ZBTB40: variants seen among roughly 807,000 people sequenced by gnomAD.
ZBTB40 encodes the protein zinc finger and BTB domain containing 40.
A neutral mutation model predicts 117.5 loss-of-function variants in ZBTB40; 60 were observed. The ratio of observed to expected loss-of-function variants is 0.51; its 90% CI spans 0.41 to 0.63. The LOEUF is 0.63. Ranked by LOEUF, ZBTB40 falls within the 30% of genes least tolerant of loss-of-function variation. The probability of loss-of-function intolerance (pLI) is 0.00; values close to 1 mark genes in which losing one functional copy is unlikely to be tolerated. For missense variants in ZBTB40, 1,287 were observed against 1,498.5 expected, an observed-to-expected ratio of 0.86 and a Z score of 2.33; for synonymous variants, 525 against 577.1, an observed-to-expected ratio of 0.91 and a Z score of 1.29.
intron 3 of ZBTB40, among the ~76,000 whole-genome samples, chr1:22,500,418 G>A (rs968193913): frequency 1.3e-5 from 2 of 152,104 alleles, no homozygotes; most frequent in Non-Finnish European, 2.9e-5. Context: ...GCATAAAGGT[G>A]ATAGTTAAAG....
In ZBTB40 at chr1:22,491,487, T is replaced by TA. The variant is rs775262758; in HGVS notation, c.792dup (p.Leu265ThrfsTer8). On this transcript the variant is annotated frameshift_variant, in exon 3 of 18. Coordinates refer to ENST00000375647, the MANE Select transcript of ZBTB40 (RefSeq NM_014870.4). LOFTEE classifies it high-confidence loss of function. ...GCACTCATGGTTACCCAGGATGTTT[T>TA]AAAAAAACTAGAAATGTGTTCAGAA... 2.5e-6 allele frequency: 4 copies of TA among 1,613,936 alleles called. No homozygotes were observed. The highest frequency in any genetic ancestry group is 3.4e-6 in the Non-Finnish European group (4 of 1,179,958).
intron 1 of ZBTB40, among the ~76,000 whole-genome samples, chr1:22,477,648 C>CAAAAAAAAAAAAAAAAAAAAGAAAA (rs773354092): frequency 1.5e-5 from 1 of 66,762 alleles, no homozygotes. Context: ...GACTCTGTCT[C>CAAAAAAAAAAAAAAAAAAAAGAAAA]AAAAAAAAAA....
At chr1:22,438,208 A>G (rs1640694873) in intron 1 of ZBTB40, among the ~76,000 whole-genome samples, 1 of 152,154 alleles carries the variant, frequency 6.6e-6, no homozygotes, top group Admixed American at 6.6e-5. Context: ...GCCACTGGTA[A>G]CCACCATTCC....
intron 1 of ZBTB40, among the ~76,000 whole-genome samples, chr1:22,457,815 T>A (rs190162809): frequency 7.7e-4 from 118 of 152,338 alleles, no homozygotes; most frequent in African/African-American, 2.7e-3. Flanking sequence ...ACCTGCTAAT[T>A]TCGTCCTATT....
At chr1:22,453,634 C>G (rs539135821) in intron 1 of ZBTB40, among the ~76,000 whole-genome samples, 33 of 152,310 alleles carry the variant, frequency 2.2e-4, no homozygotes, top group African/African-American at 7.5e-4. Flanking sequence ...AATCCTCACA[C>G]CAATACTATG....
At chr1:22,442,688 C>T (rs1640746982) in intron 1 of ZBTB40, among the ~76,000 whole-genome samples, 1 of 152,186 alleles carries the variant, frequency 6.6e-6, no homozygotes, top group East Asian at 1.9e-4. Flanking sequence ...TCCAGGAATG[C>T]AGCTGCAGAG....
rs1288288061 is a variant in ZBTB40 at position 22,490,250 on chromosome 1, A to C, written c.302A>C (p.Gln101Pro). Reference sequence around the variant, plus strand: ...ATCATCTCCTTAGCAGACAGTCTACAGATGTTTGATGTAGCTGTTAGCTGC... The same window carrying C: ...ATCATCTCCTTAGCAGACAGTCTACCGATGTTTGATGTAGCTGTTAGCTGC... ...SKIISLADSL[Q>P]MFDVAVSCKN... Residue 101 changes from glutamine (Q) to proline (P), a missense_variant, in exon 2 of 18, where the codon CAG (glutamine) becomes CCG (proline). Gln to Pro is a moderately conservative substitution (Grantham distance 76). Around this residue, in one of 2 missense-constraint regions of ZBTB40, gnomAD observed 870 missense variants for 934.4 expected, o/e 0.93. Transcript: ENST00000375647. The C allele has an allele frequency of 6.2e-7, 1 of 1,614,126 alleles. No homozygotes were observed. Among genetic ancestry groups the C allele is most frequent in the Non-Finnish European group, 8.5e-7 (1 of 1,180,052 alleles).
At chr1:22,439,422 A>G (rs576725182) in intron 1 of ZBTB40, among the ~76,000 whole-genome samples, 20 of 152,182 alleles carry the variant, frequency 1.3e-4, no homozygotes, top group Non-Finnish European at 2.6e-4. Context: ...TACCAAATCA[A>G]TGTTGCAAAG....
At chr1:22,472,621 C>T (rs974847881) in intron 1 of ZBTB40, among the ~76,000 whole-genome samples, 1 of 152,130 alleles carries the variant, frequency 6.6e-6, no homozygotes, top group Admixed American at 6.5e-5. Flanking sequence ...CTGTGAGAGA[C>T]GACAGATGGC....
chr1:22,508,397 C>A, intron 7 of ZBTB40, 133 bp from the exon 8 acceptor site: 1 of 1,122,630 alleles, frequency 8.9e-7, no homozygotes, highest in Non-Finnish European at 1.3e-6. Flanking sequence ...ATCTCTCAGA[C>A]TGAGAGGTGA....
At chr1:22,503,231 G>C (rs907021894) in intron 5 of ZBTB40, among the ~76,000 whole-genome samples, 1 of 151,028 alleles carries the variant, frequency 6.6e-6, no homozygotes, top group Non-Finnish European at 1.5e-5. Context: ...TTGGAATCAA[G>C]AGTATAAAAA....
intron 1 of ZBTB40, among the ~76,000 whole-genome samples, chr1:22,464,509 A>G (rs1641207419): frequency 1.3e-5 from 2 of 152,232 alleles, no homozygotes; most frequent in South Asian, 4.1e-4. Context: ...AGCTAAATAA[A>G]TGTTTAATGA....
chr1:22,530,079 A>G lies in ZBTB40; in HGVS notation c.*3683A>G, dbSNP rs1639789760. On this transcript the variant is annotated 3_prime_UTR_variant, in exon 18 of 18. Transcript: ENST00000375647. ...CGTGCCTGGAAGCTGCACATTGACCAAAGGAGGGAGGGAAGTGCTAACCAT... is the reference window on the plus strand; with the variant it reads ...CGTGCCTGGAAGCTGCACATTGACCGAAGGAGGGAGGGAAGTGCTAACCAT... 6.6e-6 allele frequency: 1 copy of G among 152,070 alleles called. No homozygotes were observed. Among genetic ancestry groups the G allele is most frequent in the Non-Finnish European group, 1.5e-5 (1 of 68,010 alleles). The allele number at this position is 152,070 out of a possible 1,614,324, so 9.4% of individuals were successfully genotyped here.
chr1:22,513,788 G>A lies in ZBTB40; in HGVS notation c.2668+658G>A, dbSNP rs979269254. ...ACTGGGAATAGCTCTGTGCACAGAC[G>A]TAAACTGCTTACTGGGAGAGCTTCT... On this transcript the variant is annotated intron_variant, in intron 12 of 17. Coordinates refer to ENST00000375647, the MANE Select transcript of ZBTB40 (RefSeq NM_014870.4). This position sits in a 1 kb window ranked among gnomAD's most constrained non-coding sequence, Gnocchi z 4.9. 1.1e-4 allele frequency among the ~76,000 whole-genome samples: 17 copies of A among 152,232 alleles called. No homozygotes were observed. The highest frequency in any genetic ancestry group is 5.8e-4 in the East Asian group (3 of 5,194).
chr1:22,435,163 G>A (rs1440734982), intron 1 of ZBTB40, among the ~76,000 whole-genome samples: 1 of 151,670 alleles, frequency 6.6e-6, no homozygotes, highest in Non-Finnish European at 1.5e-5. Context: ...ACCATGCCCA[G>A]CTAATTTTTG....
chr1:22,502,923 A>C (rs1367587223), intron 5 of ZBTB40, among the ~76,000 whole-genome samples: 1 of 152,200 alleles, frequency 6.6e-6, no homozygotes, highest in Non-Finnish European at 1.5e-5. Context: ...GAAAAAATTC[A>C]GATTTCTCCA....
chr1:22,477,464 C>A (rs138795851), intron 1 of ZBTB40, among the ~76,000 whole-genome samples: 1 of 152,118 alleles, frequency 6.6e-6, no homozygotes, highest in Non-Finnish European at 1.5e-5. Flanking sequence ...TCCTGGCCAA[C>A]GTGGTGAAAC....
chr1:22,506,043 C>T lies in ZBTB40; in HGVS notation c.1168-6C>T. On this transcript the variant is annotated splice_region_variant and splice_polypyrimidine_tract_variant and intron_variant, in intron 5 of 17. Transcript: ENST00000375647. Reference sequence around the variant, plus strand: ...CTGGTGTCTGGTTGATTGCTTGCCACTGCAGGTGATTCTGAATTGCTGTGA... The same window carrying T: ...CTGGTGTCTGGTTGATTGCTTGCCATTGCAGGTGATTCTGAATTGCTGTGA... 6.2e-7 allele frequency: 1 copy of T among 1,614,160 alleles called. No homozygotes were observed. Among genetic ancestry groups the T allele is most frequent in the Non-Finnish European group, 8.5e-7 (1 of 1,180,004 alleles).
Position 22,490,168 on chromosome 1 carries a change from T to A in ZBTB40, c.220T>A (p.Leu74Met). The change falls in exon 2 of 18, where the codon TTG becomes ATG. Residue 74 changes from leucine (L) to methionine (M), a missense_variant. Leu to Met is a conservative substitution (Grantham distance 15, BLOSUM62 2). Transcript: ENST00000375647. ...GGTGAGCCCCGAGGAGTTTGCGCTCTTGTTGGAAATGATGTACACGGGCAA... is the reference window on the plus strand; with the variant it reads ...GGTGAGCCCCGAGGAGTTTGCGCTCATGTTGGAAATGATGTACACGGGCAA... Reference protein sequence around the residue: ...SVVSPEEFALLLEMMYTGKLP... With the variant: ...SVVSPEEFALMLEMMYTGKLP... The A allele has an allele frequency of 6.2e-7, 1 of 1,614,192 alleles. No individual in the cohort carries two copies. The highest frequency in any genetic ancestry group is 8.5e-7 in the Non-Finnish European group (1 of 1,180,024).
Sources: allele counts gnomAD v4.1 joint callset (sites outside exome capture counted in the v4.1 genomes callset), GRCh38; gene constraint gnomAD v4.1.1; regional missense constraint gnomAD v4.1.1; non-coding constraint Gnocchi (gnomAD v3.1); transcripts MANE v1.5; gene names NCBI Gene and HGNC (gene_info 2026-07-23, HGNC 2026-07-21).